Variants in DMD observed in about 807,000 individuals in gnomAD.
DMD encodes dystrophin, also known as mutant dystrophin.
A neutral mutation model predicts 330.1 loss-of-function variants in DMD; 63 were observed. The observed-to-expected ratio is 0.19, with a 90% CI of 0.16 to 0.24. DMD has a LOEUF of 0.24. DMD is among the 10% of genes least tolerant of loss of function. DMD has a pLI of 1.00. For synonymous variants in DMD, 1,223 were observed against 959.8 expected, an observed-to-expected ratio of 1.27 and a Z score of -5.07; for missense variants, 3,344 against 2,684.1, an observed-to-expected ratio of 1.25 and a Z score of -5.43.
At position 32,674,547 on chromosome X, in the gene DMD, C is replaced by A. The variant is rs1265515278; in HGVS notation, c.960+23323G>T. Among the ~76,000 whole-genome samples, 6 of 111,321 alleles carry A rather than the reference C, an allele frequency of 5.4e-5. No individual in the cohort carries two copies. In the South Asian group the frequency reaches 2.3e-3, roughly 42 times the overall value. On this transcript the variant is annotated intron_variant, in intron 9 of 78. Coordinates refer to ENST00000357033, the MANE Select transcript of DMD (RefSeq NM_004006.3). ...TGATTTGGAAAGCATTGTTATTACT[C>A]TCAGTTCTAGATATGCGCTCGGTTT...
intron 62 of DMD, among the ~76,000 whole-genome samples, chrX:31,312,226 C>A (rs1479037362): frequency 2.7e-5 from 3 of 112,179 alleles, no homozygotes; most frequent in Non-Finnish European, 1.9e-5. Context: ...GGTCTAATAT[C>A]CAGAATTTAC....
intron 44 of DMD, among the ~76,000 whole-genome samples, chrX:32,176,236 T>C (rs1381230053): frequency 1.8e-5 from 2 of 112,282 alleles, no homozygotes; most frequent in East Asian, 5.6e-4. Flanking sequence ...TCCCACTTTC[T>C]AAATTGTTTT....
chrX:33,261,667 C>CACACAT (rs1557309962), intron 1 of DMD, among the ~76,000 whole-genome samples: 3 of 108,244 alleles, frequency 2.8e-5, no homozygotes, highest in Non-Finnish European at 5.8e-5. Context: ...CACACACACA[C>CACACAT]GCCATGAAGG....
chrX:31,253,459 C>T (rs1466176482), intron 63 of DMD, among the ~76,000 whole-genome samples: 1 of 111,554 alleles, frequency 9.0e-6, no homozygotes, highest in Non-Finnish European at 1.9e-5. Context: ...ATTCAGAATC[C>T]TGCAGTTTCT....
intron 62 of DMD, among the ~76,000 whole-genome samples, chrX:31,321,607 A>AAAAAAAAAAAAAAAAAAAAAAAAG (rs1388525572): frequency 1.1e-5 from 1 of 89,282 alleles, no homozygotes; most frequent in Non-Finnish European, 2.0e-5. Flanking sequence ...AAAAAAAAAA[A>AAAAAAAAAAAAAAAAAAAAAAAAG]AAAGAAAGAA....
chrX:31,716,795 ATAAC>A (rs1313685723), intron 52 of DMD, among the ~76,000 whole-genome samples: 1 of 107,591 alleles, frequency 9.3e-6, no homozygotes, highest in South Asian at 4.1e-4. Context: ...CATGTACTTT[ATAAC>A]TATCTACATG....
At chrX:32,043,087 A>T (rs1183720845) in intron 44 of DMD, among the ~76,000 whole-genome samples, 1 of 111,896 alleles carries the variant, frequency 8.9e-6, no homozygotes, top group East Asian at 2.8e-4. Context: ...ACTATTTCAT[A>T]TTGAATGCTT....
intron 42 of DMD, among the ~76,000 whole-genome samples, chrX:32,309,717 A>T (rs2097554432): frequency 9.0e-6 from 1 of 111,573 alleles, no homozygotes; most frequent in South Asian, 3.7e-4. Context: ...TAAATGAAAA[A>T]TCTAATTTCC....
At chrX:31,428,521 T>C (rs1311586217) in intron 60 of DMD, among the ~76,000 whole-genome samples, 2 of 111,671 alleles carry the variant, frequency 1.8e-5, no homozygotes, top group Admixed American at 9.5e-5. Flanking sequence ...GGAATTAACA[T>C]AAAAACCCAA....
intron 1 of DMD, among the ~76,000 whole-genome samples, chrX:33,030,319 G>A (rs951775718): frequency 9.0e-6 from 1 of 111,499 alleles, no homozygotes; most frequent in Non-Finnish European, 1.9e-5. Context: ...AAAAATTCAA[G>A]TCTTCTCGAT....
At chrX:32,153,186 A>T (rs2096813787) in intron 44 of DMD, among the ~76,000 whole-genome samples, 1 of 112,310 alleles carries the variant, frequency 8.9e-6, no homozygotes, top group Non-Finnish European at 1.9e-5. Context: ...TATACATTTT[A>T]TTCACATCAC....
intron 4 of DMD, among the ~76,000 whole-genome samples, chrX:32,828,578 TATCTATAC>T (rs1312701593): frequency 9.1e-6 from 1 of 110,231 alleles, no homozygotes; most frequent in Non-Finnish European, 1.9e-5. Context: ...TACACATATA[TATCTATAC>T]ATCTATACAC....
rs757602117 is a variant in DMD, at chrX:31,371,695, T to C, written c.9085-23061A>G. 6.9e-4 allele frequency among the ~76,000 whole-genome samples: 77 copies of C among 111,804 alleles called. No homozygotes were observed. The Middle Eastern group carries it at 0.014, about 20-fold the overall frequency. On this transcript the variant is annotated intron_variant, in intron 60 of 78. Transcript: ENST00000357033. ...GGAAAAACTGTCCAGACACAGCAGG[T>C]ATCAAGATTTGGAGACTTTCCTCAT... is the stretch of plus-strand genomic sequence containing the variant.
At chrX:33,213,877 T>C (rs1204116045), upstream of DMD, among the ~76,000 whole-genome samples, 1 of 111,381 alleles carries the variant, frequency 9.0e-6, no homozygotes, top group East Asian at 2.8e-4. Flanking sequence ...TAAACACCTG[T>C]TTCATCACCA....
chrX:32,213,230 G>A (rs2097099872), intron 44 of DMD, among the ~76,000 whole-genome samples: 1 of 111,857 alleles, frequency 8.9e-6, no homozygotes, highest in Non-Finnish European at 1.9e-5. Context: ...CCAAACAATT[G>A]CCTGCTAACA....
At chrX:32,531,692 G>T (rs775719470) in intron 17 of DMD, among the ~76,000 whole-genome samples, 1 of 110,914 alleles carries the variant, frequency 9.0e-6, no homozygotes, top group Non-Finnish European at 1.9e-5. Flanking sequence ...GAACAGGTCT[G>T]TCTGAATCCA....
intron 9 of DMD, among the ~76,000 whole-genome samples, chrX:32,678,750 T>C (rs1245058735): frequency 8.9e-6 from 1 of 111,815 alleles, no homozygotes; most frequent in Admixed American, 9.6e-5. Flanking sequence ...CATTCTGTCC[T>C]TTGTGAAGAG....
chrX:31,275,155 TTGTGTGTGTGTGTGTGTG>T (rs59068818), intron 62 of DMD, among the ~76,000 whole-genome samples: 13 of 96,418 alleles, frequency 1.3e-4, no homozygotes, highest in African/African-American at 2.7e-4. Flanking sequence ...AAATCAGGTT[TTGTGTGTGTGTGTGTGTG>T]TGTGTGTGTG....
chrX:32,395,588 A>T (rs1416368906), intron 30 of DMD, among the ~76,000 whole-genome samples: 1 of 110,725 alleles, frequency 9.0e-6, no homozygotes, highest in African/African-American at 3.4e-5. Context: ...AAATTTTAAA[A>T]ACAGAAAAAC....
Sources: gnomAD v4.1 joint callset for allele counts (sites outside exome capture counted in the v4.1 genomes callset) on GRCh38, gnomAD v4.1.1 for gene constraint, MANE v1.5 for transcripts, NCBI Gene and HGNC (gene_info 2026-07-23, HGNC 2026-07-21) for gene names.